KIAA1217: variants seen among roughly 807,000 people sequenced by gnomAD.
KIAA1217 encodes the protein KIAA1217.
Under a neutral mutation model 163.9 loss-of-function variants are expected in KIAA1217, and 88 were observed. The ratio of observed to expected loss-of-function variants is 0.54; its 90% CI spans 0.45 to 0.64. KIAA1217 has a LOEUF of 0.64. Ranked by LOEUF, KIAA1217 falls within the 30% of genes least tolerant of loss-of-function variation. KIAA1217 has a pLI of 0.00. For missense variants in KIAA1217, 2,372 were observed against 2,475.0 expected (o/e 0.96, Z 0.88); for synonymous variants, 903 against 923.1 (o/e 0.98, Z 0.39).
At chr10:24,160,291 A>G (rs2065062560) in intron 2 of KIAA1217, among the ~76,000 whole-genome samples, 1 of 152,190 alleles carries the variant, frequency 6.6e-6, no homozygotes, top group Non-Finnish European at 1.5e-5. Context: ...GAATGTTTAT[A>G]GGAATACATC....
intron 8 of KIAA1217, 92 bp from the exon 9 acceptor site, chr10:24,501,287 T>A: frequency 8.3e-7 from 1 of 1,208,226 alleles, no homozygotes; most frequent in Non-Finnish European, 1.2e-6. Context: ...TTAGGCCTTT[T>A]TAGAATTACC....
At chr10:24,375,908 G>A (rs774979027) in intron 2 of KIAA1217, among the ~76,000 whole-genome samples, 5 of 152,108 alleles carry the variant, frequency 3.3e-5, no homozygotes, top group East Asian at 1.9e-4. Context: ...TCTGGACCTC[G>A]GCATTTCAAT....
intron 6 of KIAA1217, 67 bp from the exon 7 acceptor site, chr10:24,494,433 G>A (rs1009211196): frequency 1.4e-5 from 18 of 1,290,570 alleles, no homozygotes; most frequent in African/African-American, 4.4e-5. Flanking sequence ...CTCAGGTGGT[G>A]CATTCACCCG....
Position 23,771,703 on chromosome 10 carries a change from A to T in KIAA1217, c.-321+76469A>T, listed in dbSNP as rs529126528. ...TACAACACTTCCACCATTACCTCAG[A>T]AGGGGAAAGAACATGAGGGATTGCA... On this transcript the variant is annotated intron_variant, in intron 1 of 18. Coordinates refer to the KIAA1217 transcript ENST00000376462. 1.7e-4 allele frequency among the ~76,000 whole-genome samples: 26 copies of T among 152,272 alleles called. No individual in the cohort carries two copies. In the South Asian group the frequency reaches 5.0e-3, roughly 29 times the overall value.
intron 1 of KIAA1217, among the ~76,000 whole-genome samples, chr10:23,767,553 T>C (rs1485256105): frequency 6.6e-6 from 1 of 151,956 alleles, no homozygotes; most frequent in South Asian, 2.1e-4. Context: ...CTGGGAAACA[T>C]AGTGAGAGCC....
intron 1 of KIAA1217, among the ~76,000 whole-genome samples, chr10:23,958,201 C>T (rs10764435): frequency 6.6e-6 from 1 of 152,032 alleles, no homozygotes; most frequent in South Asian, 2.1e-4. Flanking sequence ...AAGATAAGTG[C>T]TTGGCCAAAG....
chr10:24,336,538 C>G (rs1157260981), intron 2 of KIAA1217, among the ~76,000 whole-genome samples: 1 of 152,000 alleles, frequency 6.6e-6, no homozygotes, highest in Non-Finnish European at 1.5e-5. Context: ...GTGTCCTGCC[C>G]TTCACGATGT....
chr10:24,300,664 T>C (rs2041210094), intron 2 of KIAA1217, among the ~76,000 whole-genome samples: 1 of 152,008 alleles, frequency 6.6e-6, no homozygotes, highest in East Asian at 1.9e-4. Flanking sequence ...ACCTCCTGGG[T>C]TCAAGCAATT....
chr10:24,050,778 G>C (rs1849446967), intron 2 of KIAA1217, among the ~76,000 whole-genome samples: 1 of 152,006 alleles, frequency 6.6e-6, no homozygotes, highest in African/African-American at 2.4e-5. Flanking sequence ...TAGTTGTTTT[G>C]GTCAAGACTA....
chr10:23,782,655 A>G (rs1192471345), intron 1 of KIAA1217, among the ~76,000 whole-genome samples: 1 of 151,924 alleles, frequency 6.6e-6, no homozygotes, highest in Non-Finnish European at 1.5e-5. Flanking sequence ...CTGGTCTGGA[A>G]CTCTTTACCT....
At chr10:23,699,952 T>G (rs901594189) in intron 1 of KIAA1217, among the ~76,000 whole-genome samples, 3 of 152,214 alleles carry the variant, frequency 2.0e-5, no homozygotes, top group African/African-American at 7.2e-5. Context: ...GGACACTTGA[T>G]GAAAATTTGT....
At chr10:24,464,660 C>G (rs954715128) in intron 5 of KIAA1217, among the ~76,000 whole-genome samples, 1 of 152,086 alleles carries the variant, frequency 6.6e-6, no homozygotes, top group Non-Finnish European at 1.5e-5. Flanking sequence ...TAAGTTTTTA[C>G]TTTTTGTATA....
chr10:24,536,660 C>T, intron 16 of KIAA1217, 114 bp from the exon 17 acceptor site: 1 of 1,096,928 alleles, frequency 9.1e-7, no homozygotes, highest in Admixed American at 2.1e-5. Flanking sequence ...TGGCCTAAAC[C>T]TGCGTGCAGG....
chr10:24,523,563 A>G (rs2071628564), intron 12 of KIAA1217, among the ~76,000 whole-genome samples: 1 of 152,220 alleles, frequency 6.6e-6, no homozygotes, highest in Non-Finnish European at 1.5e-5. Context: ...CATGTTTGAC[A>G]TTGCCTCACA....
At chr10:24,356,357 T>A (rs550444293) in intron 2 of KIAA1217, among the ~76,000 whole-genome samples, 34 of 152,334 alleles carry the variant, frequency 2.2e-4, no homozygotes, top group Admixed American at 1.8e-3. Context: ...TGAATCTACA[T>A]CTTGAACCCA....
At chr10:24,400,569 A>G (rs1488203378) in intron 3 of KIAA1217, among the ~76,000 whole-genome samples, 2 of 152,192 alleles carry the variant, frequency 1.3e-5, no homozygotes, top group East Asian at 3.9e-4. Context: ...CTTACCTCCA[A>G]AGGGGACAAG....
At chr10:24,484,614 C>T (rs2133421391) in intron 6 of KIAA1217, among the ~76,000 whole-genome samples, 1 of 152,050 alleles carries the variant, frequency 6.6e-6, no homozygotes, top group Non-Finnish European at 1.5e-5. Context: ...GGCTGGAACG[C>T]AGTGGTGCAA....
At chr10:24,529,014 T>G (rs1478795654) in intron 14 of KIAA1217, among the ~76,000 whole-genome samples, 1 of 152,228 alleles carries the variant, frequency 6.6e-6, no homozygotes, top group African/African-American at 2.4e-5. Flanking sequence ...ATTCTGATCT[T>G]AAAATTATGG....
intron 6 of KIAA1217, among the ~76,000 whole-genome samples, chr10:24,485,321 C>T (rs1366970418): frequency 6.6e-6 from 1 of 152,142 alleles, no homozygotes; most frequent in Non-Finnish European, 1.5e-5. Flanking sequence ...TCAGCCTTTT[C>T]CGTGGCCTGC....
Sources: allele counts gnomAD v4.1 joint callset (sites outside exome capture counted in the v4.1 genomes callset), GRCh38; gene constraint gnomAD v4.1.1; transcripts MANE v1.5; gene names NCBI Gene and HGNC (gene_info 2026-07-23, HGNC 2026-07-21).